GRID2: variants seen among roughly 807,000 people sequenced by gnomAD.
GRID2 encodes glutamate receptor ionotropic, delta-2.
GRID2 carries 33 observed loss-of-function variants against 114.8 expected under a neutral mutation model. The ratio of observed to expected loss-of-function variants is 0.29; its 90% confidence interval spans 0.22 to 0.38. The LOEUF (loss-of-function observed/expected upper bound fraction) is 0.38. Ranked by LOEUF, GRID2 falls within the 10% of genes least tolerant of loss-of-function variation. The pLI, the probability that GRID2 is intolerant of heterozygous loss-of-function variation, is 1.00. For synonymous variants in GRID2, 505 were observed against 449.9 expected (o/e 1.12, Z -1.55); for missense variants, 1,184 against 1,257.7 (o/e 0.94, Z 0.89).
intron 4 of GRID2, among the ~76,000 whole-genome samples, chr4:93,183,865 A>G (rs1340754174): frequency 2.6e-5 from 4 of 152,220 alleles, no homozygotes; most frequent in Non-Finnish European, 5.9e-5. Context: ...CAGGTAAGAA[A>G]CAAGGGAGGT....
intron 8 of GRID2, among the ~76,000 whole-genome samples, chr4:93,327,716 G>A (rs577783813): frequency 6.6e-6 from 1 of 150,892 alleles, no homozygotes; most frequent in South Asian, 2.1e-4. Flanking sequence ...GTGTGGAAAG[G>A]TAGAAAATGG....
chr4:93,603,495 G>A (rs866232110), intron 13 of GRID2, among the ~76,000 whole-genome samples: 1 of 152,238 alleles, frequency 6.6e-6, no homozygotes, highest in Non-Finnish European at 1.5e-5. Flanking sequence ...AGCAACAGAT[G>A]CTGATGCAGA....
intron 2 of GRID2, among the ~76,000 whole-genome samples, chr4:92,966,164 G>A (rs1010978229): frequency 6.6e-6 from 1 of 151,886 alleles, no homozygotes; most frequent in South Asian, 2.1e-4. Flanking sequence ...AAAACAAAGG[G>A]CAAGGCCTCT....
intron 2 of GRID2, among the ~76,000 whole-genome samples, chr4:92,609,435 T>G (rs78787175): frequency 0.05 from 7,595 of 150,964 alleles, 248 homozygotes; most frequent in East Asian, 0.12. Flanking sequence ...GAGTTAGTAT[T>G]AAAAAAAATG....
chr4:93,555,928 CTGTT>C (rs1384257112), intron 13 of GRID2, among the ~76,000 whole-genome samples: 3 of 152,212 alleles, frequency 2.0e-5, no homozygotes, highest in Non-Finnish European at 4.4e-5. Flanking sequence ...GCAGTCTTTG[CTGTT>C]CTGCAGCCTC....
chr4:93,500,619 C>G (rs1727999422), intron 12 of GRID2, among the ~76,000 whole-genome samples: 1 of 151,846 alleles, frequency 6.6e-6, no homozygotes, highest in African/African-American at 2.4e-5. Context: ...TCATTTTCCC[C>G]AAAGATAAAA....
At chr4:93,045,061 G>A (rs1412353541) in intron 2 of GRID2, among the ~76,000 whole-genome samples, 1 of 152,124 alleles carries the variant, frequency 6.6e-6, no homozygotes, top group Non-Finnish European at 1.5e-5. Flanking sequence ...TGTAGGCCAT[G>A]AAGATAGATG....
chr4:93,644,497 G>T (rs1721927757), intron 14 of GRID2, among the ~76,000 whole-genome samples: 1 of 152,054 alleles, frequency 6.6e-6, no homozygotes, highest in Non-Finnish European at 1.5e-5. Context: ...TAAAATTTTT[G>T]TTCTGATGAT....
intron 1 of GRID2, among the ~76,000 whole-genome samples, chr4:92,445,106 T>C (rs1332049898): frequency 6.6e-6 from 1 of 152,182 alleles, no homozygotes; most frequent in African/African-American, 2.4e-5. Context: ...GCTTATTATG[T>C]GCTAGATACT....
chr4:92,481,489 G>C (rs1722587529), intron 1 of GRID2, among the ~76,000 whole-genome samples: 1 of 151,982 alleles, frequency 6.6e-6, no homozygotes, highest in Non-Finnish European at 1.5e-5. Flanking sequence ...TGTTTTTGTT[G>C]ACCTTGTTGA....
At position 93,110,881 on chromosome 4, in the gene GRID2, T is replaced by C. The variant is rs1172557744; in HGVS notation, c.663T>C (p.Asn221=). The part of the protein sequence containing the change: ...LFDTMRIEEL[N]RYRDTLRRAI... ...ACACCATGAGAATAGAAGAACTGAA[T>C]CGCTATCGAGACACTCTTAGGCGAG... Residue 221 remains asparagine (N), a synonymous_variant, in exon 4 of 16, where the codon AAT becomes AAC. Transcript: ENST00000282020. 4 of 1,612,928 alleles carry C rather than the reference T, an allele frequency of 2.5e-6. No homozygotes were observed. The highest frequency in any genetic ancestry group is 1.7e-4 in the Middle Eastern group (1 of 6,058).
chr4:93,244,574 ATT>A (rs1491113715), intron 8 of GRID2, among the ~76,000 whole-genome samples: 25 of 40,944 alleles, frequency 6.1e-4, no homozygotes, highest in African/African-American at 1.9e-3. Flanking sequence ...TTATATATTA[ATT>A]AATAGATTAT....
At chr4:92,912,521 C>A (rs1249877678) in intron 2 of GRID2, among the ~76,000 whole-genome samples, 2 of 151,706 alleles carry the variant, frequency 1.3e-5, no homozygotes, top group African/African-American at 4.8e-5. Flanking sequence ...TTAAAAGATA[C>A]CTTATTCCAT....
intron 4 of GRID2, among the ~76,000 whole-genome samples, chr4:93,130,727 TTTTCAAGTCCAAATCCCACACCATA>T (rs1220597229): frequency 2.0e-5 from 3 of 152,172 alleles, no homozygotes; most frequent in African/African-American, 7.2e-5. Context: ...GCTCTTTATT[TTTTCAAGTCCAAATCCCACACCATA>T]TATAGCCTAA....
intron 14 of GRID2, among the ~76,000 whole-genome samples, chr4:93,664,743 C>G (rs1371358): frequency 6.6e-6 from 1 of 152,078 alleles, no homozygotes; most frequent in Middle Eastern, 3.4e-3. Context: ...TTTGCTTTGC[C>G]GTTTATTAGC....
chr4:93,220,383 C>T (rs1367112586), intron 6 of GRID2, among the ~76,000 whole-genome samples: 3 of 152,020 alleles, frequency 2.0e-5, no homozygotes, highest in Non-Finnish European at 4.4e-5. Flanking sequence ...GACACTGAAA[C>T]ATTTTCACCA....
chr4:93,156,639 A>G (rs1322006512), intron 4 of GRID2, among the ~76,000 whole-genome samples: 1 of 151,850 alleles, frequency 6.6e-6, no homozygotes, highest in Non-Finnish European at 1.5e-5. Flanking sequence ...TGAGAAAAAC[A>G]GAGATGGATA....
At chr4:92,721,086 T>G (rs1735788499) in intron 2 of GRID2, among the ~76,000 whole-genome samples, 1 of 152,084 alleles carries the variant, frequency 6.6e-6, no homozygotes, top group Admixed American at 6.6e-5. Flanking sequence ...TTCTACTATA[T>G]GAGACACCTA....
intron 14 of GRID2, among the ~76,000 whole-genome samples, chr4:93,751,751 A>G (rs1732333850): frequency 6.6e-6 from 1 of 152,182 alleles, no homozygotes; most frequent in South Asian, 2.1e-4. Flanking sequence ...AAACACGGTT[A>G]AGAATGTGCT....
Sources: allele counts gnomAD v4.1 joint callset (sites outside exome capture counted in the v4.1 genomes callset), GRCh38; gene constraint gnomAD v4.1.1; transcripts MANE v1.5; gene names NCBI Gene and HGNC (gene_info 2026-07-23, HGNC 2026-07-21).